ENTREP2: variants seen among roughly 807,000 people sequenced by gnomAD.
ENTREP2 encodes the protein endosomal transmembrane epsin interactor 2.
At chr15:29,629,032 A>C in the ENTREP2 span, among the ~76,000 whole-genome samples, 2 of 152,112 alleles carry the variant, frequency 1.3e-5, no homozygotes, top group Admixed American at 1.3e-4. Context: ...TTAGATGTGT[A>C]ATCCACTATG....
At chr15:29,223,461 G>C in the ENTREP2 span, among the ~76,000 whole-genome samples, 1 of 152,146 alleles carries the variant, frequency 6.6e-6, no homozygotes, top group Non-Finnish European at 1.5e-5. Flanking sequence ...CTGCACCTGT[G>C]AGCCTGTTCC....
the ENTREP2 span, among the ~76,000 whole-genome samples, chr15:29,470,461 A>G: frequency 2.6e-3 from 402 of 152,272 alleles, 2 homozygotes; most frequent in African/African-American, 9.2e-3. Flanking sequence ...CTTCCTGCCA[A>G]GTTCACCTCT....
At chr15:29,155,891 G>A in the ENTREP2 span, among the ~76,000 whole-genome samples, 2 of 152,118 alleles carry the variant, frequency 1.3e-5, no homozygotes, top group Non-Finnish European at 2.9e-5. Context: ...AGCTCTTGGT[G>A]GCTTTTTTGT....
the ENTREP2 span, among the ~76,000 whole-genome samples, chr15:29,286,172 A>C: frequency 6.6e-6 from 1 of 152,220 alleles, no homozygotes; most frequent in Admixed American, 6.5e-5. Flanking sequence ...TTTTACTGGA[A>C]GTCTCAGTCA....
At chr15:29,258,007 C>T in the ENTREP2 span, among the ~76,000 whole-genome samples, 1 of 151,740 alleles carries the variant, frequency 6.6e-6, no homozygotes, top group Non-Finnish European at 1.5e-5. Context: ...GTCAGGAGAT[C>T]GAGACCATCC....
the ENTREP2 span, among the ~76,000 whole-genome samples, chr15:29,536,618 A>G: frequency 2.0e-5 from 3 of 152,076 alleles, no homozygotes; most frequent in Non-Finnish European, 2.9e-5. Flanking sequence ...AAAAAAAAAA[A>G]AAAGTCAAAG....
the ENTREP2 span, among the ~76,000 whole-genome samples, chr15:29,412,396 T>C: frequency 4.6e-5 from 7 of 152,280 alleles, no homozygotes; most frequent in Middle Eastern, 3.4e-3. Flanking sequence ...AAAGATACAA[T>C]TGATTTTTGG....
the ENTREP2 span, among the ~76,000 whole-genome samples, chr15:29,149,511 C>T: frequency 3.3e-5 from 5 of 152,366 alleles, no homozygotes; most frequent in East Asian, 9.7e-4. Flanking sequence ...CTGGCTCAAG[C>T]CTCGGCCCAC....
the ENTREP2 span, among the ~76,000 whole-genome samples, chr15:29,519,930 C>A: frequency 6.6e-6 from 1 of 152,214 alleles, no homozygotes; most frequent in African/African-American, 2.4e-5. Context: ...CTCCCCTGGA[C>A]AATGAGTCTC....
chr15:29,566,658 T>G, the ENTREP2 span, among the ~76,000 whole-genome samples: 3 of 152,150 alleles, frequency 2.0e-5, no homozygotes, highest in Non-Finnish European at 2.9e-5. Flanking sequence ...GGTTTCGCCA[T>G]GTGGGCCAGG....
chr15:29,348,612 C>T, the ENTREP2 span, among the ~76,000 whole-genome samples: 1 of 152,118 alleles, frequency 6.6e-6, no homozygotes, highest in Non-Finnish European at 1.5e-5. Flanking sequence ...TTGGAATGAG[C>T]TTTGAAAGGT....
the ENTREP2 span, among the ~76,000 whole-genome samples, chr15:29,155,156 C>A: frequency 6.6e-6 from 1 of 152,150 alleles, no homozygotes. Context: ...GTGGCCGGCG[C>A]CTGTAGTCCC....
chr15:29,258,285 C>T, the ENTREP2 span, among the ~76,000 whole-genome samples: 4 of 150,646 alleles, frequency 2.7e-5, no homozygotes, highest in East Asian at 3.9e-4. Context: ...TTAGAAGTTA[C>T]GGCAGTCCCA....
At chr15:29,251,271 G>A in the ENTREP2 span, among the ~76,000 whole-genome samples, 1 of 152,148 alleles carries the variant, frequency 6.6e-6, no homozygotes, top group Non-Finnish European at 1.5e-5. Context: ...CCATACCCAG[G>A]GAACCACAGT....
the ENTREP2 span, among the ~76,000 whole-genome samples, chr15:29,657,440 A>G: frequency 8.2e-6 from 1 of 122,230 alleles, no homozygotes; most frequent in African/African-American, 3.1e-5. Flanking sequence ...CTTCCACCAC[A>G]CAGAAGTGGA....
At chr15:29,210,581 T>C in the ENTREP2 span, among the ~76,000 whole-genome samples, 1 of 152,220 alleles carries the variant, frequency 6.6e-6, no homozygotes, top group Non-Finnish European at 1.5e-5. Context: ...AAGAATCTAA[T>C]GCCTGATGAT....
the ENTREP2 span, chr15:29,195,093 T>C: frequency 5.1e-6 from 5 of 981,694 alleles, no homozygotes; most frequent in Non-Finnish European, 6.0e-6. Flanking sequence ...GCGTAGGTAA[T>C]GTGGGCAGCA....
At chr15:29,369,046 A>G in the ENTREP2 span, among the ~76,000 whole-genome samples, 18 of 152,320 alleles carry the variant, frequency 1.2e-4, no homozygotes, top group African/African-American at 4.3e-4. Context: ...AGCAGAATAA[A>G]CAATGAAGAA....
the ENTREP2 span, among the ~76,000 whole-genome samples, chr15:29,507,986 T>C: frequency 2.7e-5 from 4 of 150,626 alleles, no homozygotes; most frequent in African/African-American, 9.7e-5. Flanking sequence ...AAAAGATTAA[T>C]AAAATAGGCC....
Sources: gnomAD v4.1 joint callset for allele counts (sites outside exome capture counted in the v4.1 genomes callset) on GRCh38, gnomAD v4.1.1 for gene constraint, MANE v1.5 for transcripts, NCBI Gene and HGNC (gene_info 2026-07-23, HGNC 2026-07-21) for gene names.